Variants in DOCK4 observed in about 807,000 individuals in gnomAD.
DOCK4 encodes the protein dedicator of cytokinesis protein 4.
A neutral mutation model predicts 268.1 loss-of-function variants in DOCK4; 97 were observed. The observed-to-expected ratio is 0.36, with a 90% CI of 0.31 to 0.43. The LOEUF is 0.43. Among genes scored for constraint, DOCK4 ranks in the 20% least tolerant of loss-of-function variants. The pLI, the probability that DOCK4 is intolerant of heterozygous loss-of-function variation, is 1.00. For synonymous variants in DOCK4, 954 were observed against 887.2 expected (o/e 1.08, Z -1.34); for missense variants, 2,145 against 2,455.7 (o/e 0.87, Z 2.67).
intron 25 of DOCK4, among the ~76,000 whole-genome samples, chr7:111,839,866 G>C (rs960425337): frequency 3.3e-5 from 5 of 151,850 alleles, no homozygotes; most frequent in Non-Finnish European, 7.4e-5. Context: ...GGAAACAGGT[G>C]GTATTTGGTT....
intron 1 of DOCK4, among the ~76,000 whole-genome samples, chr7:112,012,599 A>G (rs766013816): frequency 3.9e-5 from 6 of 152,180 alleles, no homozygotes; most frequent in Non-Finnish European, 7.3e-5. Context: ...CAAATGAAAA[A>G]CTGTTTTAAT....
At position 112,104,871 on chromosome 7, in the gene DOCK4, G is replaced by A. The variant is rs139582031; in HGVS notation, c.38-100740C>T. ...TAAGGTAGTATATAATTAACCCAATGCTAAATGATATATCAATAATAAGCA... is the reference window on the plus strand; with the variant it reads ...TAAGGTAGTATATAATTAACCCAATACTAAATGATATATCAATAATAAGCA... On this transcript the variant is annotated intron_variant, in intron 1 of 52. Transcript: ENST00000428084. 5.2e-4 allele frequency among the ~76,000 whole-genome samples: 79 copies of A among 152,282 alleles called. 1 individual carries two copies. In the East Asian group the frequency reaches 0.015, roughly 29 times the overall value.
intron 41 of DOCK4, among the ~76,000 whole-genome samples, chr7:111,757,646 A>G (rs1038990752): frequency 1.3e-5 from 2 of 152,102 alleles, no homozygotes; most frequent in Non-Finnish European, 2.9e-5. Context: ...CAATCCTGTC[A>G]TAACTCTGCA....
chr7:111,910,060 C>T (rs765545870), intron 13 of DOCK4, among the ~76,000 whole-genome samples: 7 of 151,840 alleles, frequency 4.6e-5, no homozygotes, highest in Non-Finnish European at 1.0e-4. Context: ...TGATGGGTTC[C>T]CTAACAAAGA....
At chr7:111,788,574 A>C in intron 32 of DOCK4, 88 bp downstream of exon 32, 1 of 1,074,570 alleles carries the variant, frequency 9.3e-7, no homozygotes, top group South Asian at 1.3e-5. Flanking sequence ...CTGTCTTTGC[A>C]GCTCTCAGCT....
intron 1 of DOCK4, among the ~76,000 whole-genome samples, chr7:112,184,812 G>A (rs1024228107): frequency 2.0e-5 from 3 of 151,994 alleles, no homozygotes; most frequent in Non-Finnish European, 4.4e-5. Flanking sequence ...GCTTGCAGAG[G>A]GTGTTGAGAG....
At chr7:111,813,427 G>A (rs901066365) in intron 27 of DOCK4, among the ~76,000 whole-genome samples, 1 of 152,130 alleles carries the variant, frequency 6.6e-6, no homozygotes, top group Non-Finnish European at 1.5e-5. Flanking sequence ...TTCTTGTGGG[G>A]TAGGGAAATA....
intron 30 of DOCK4, among the ~76,000 whole-genome samples, chr7:111,800,318 G>A (rs1800182169): frequency 1.3e-5 from 2 of 151,766 alleles, no homozygotes; most frequent in Middle Eastern, 3.5e-3. Context: ...GTCTGTGGAA[G>A]CTATAAAAAA....
chr7:111,801,163 G>A (rs1800249555), intron 30 of DOCK4, among the ~76,000 whole-genome samples: 1 of 152,120 alleles, frequency 6.6e-6, no homozygotes, highest in Non-Finnish European at 1.5e-5. Context: ...ACATCATGGC[G>A]ACCCACATTT....
intron 8 of DOCK4, among the ~76,000 whole-genome samples, chr7:111,952,095 A>G (rs570412804): frequency 6.8e-6 from 1 of 147,754 alleles, no homozygotes; most frequent in African/African-American, 2.5e-5. Flanking sequence ...CTGTCTGCGA[A>G]AAAAAAAAAA....
chr7:111,736,549 C>G (rs188568321), intron 50 of DOCK4, among the ~76,000 whole-genome samples: 459 of 152,068 alleles, frequency 3.0e-3, no homozygotes, highest in Middle Eastern at 6.8e-3. Flanking sequence ...GTAAGGGAGA[C>G]GAAGGATGGG....
chr7:111,985,884 GT>G (rs1166141724), intron 6 of DOCK4, among the ~76,000 whole-genome samples: 1 of 152,166 alleles, frequency 6.6e-6, no homozygotes, highest in East Asian at 1.9e-4. Flanking sequence ...GTACTACAGT[GT>G]AAGTCAGCAT....
At chr7:112,178,438 G>A (rs539038756) in intron 1 of DOCK4, among the ~76,000 whole-genome samples, 91 of 152,248 alleles carry the variant, frequency 6.0e-4, no homozygotes, top group African/African-American at 2.1e-3. Context: ...AAAAATCATC[G>A]GTAACAGCCC....
At chr7:111,905,953 T>C (rs1791533916) in intron 13 of DOCK4, among the ~76,000 whole-genome samples, 1 of 152,166 alleles carries the variant, frequency 6.6e-6, no homozygotes, top group African/African-American at 2.4e-5. Context: ...TGCAAAATGC[T>C]AGAAGTAGAA....
chr7:111,735,267 TAACTG>T (rs1444628527), intron 50 of DOCK4, 100 bp from the exon 51 acceptor site: 3 of 768,692 alleles, frequency 3.9e-6, no homozygotes, highest in Admixed American at 3.3e-5. Context: ...ATGAAAAACT[TAACTG>T]GATGAAAAAC....
At chr7:112,119,001 A>T (rs1161773118) in intron 1 of DOCK4, among the ~76,000 whole-genome samples, 2 of 152,292 alleles carry the variant, frequency 1.3e-5, no homozygotes, top group East Asian at 3.9e-4. Context: ...TTGTGTATCT[A>T]TGTGAAAAAA....
At chr7:111,984,270 G>T (rs1396971925) in intron 7 of DOCK4, 36 bp downstream of exon 7, 1 of 1,565,766 alleles carries the variant, frequency 6.4e-7, no homozygotes, top group Non-Finnish European at 8.7e-7. Flanking sequence ...CAGAAAATTA[G>T]CAGGAAGACT....
intron 21 of DOCK4, among the ~76,000 whole-genome samples, chr7:111,868,443 GC>G (rs1399682478): frequency 1.3e-5 from 2 of 152,188 alleles, no homozygotes; most frequent in Non-Finnish European, 2.9e-5. Context: ...GGGCACGGTG[GC>G]TCACGCCTGT....
chr7:111,744,703 A>G (rs1443454831), intron 44 of DOCK4, among the ~76,000 whole-genome samples: 1 of 152,242 alleles, frequency 6.6e-6, no homozygotes, highest in Non-Finnish European at 1.5e-5. Flanking sequence ...GGTTAAAGTC[A>G]TTGCATAATC....
Sources: gnomAD v4.1 joint callset for allele counts (sites outside exome capture counted in the v4.1 genomes callset) on GRCh38, gnomAD v4.1.1 for gene constraint, MANE v1.5 for transcripts, NCBI Gene and HGNC (gene_info 2026-07-23, HGNC 2026-07-21) for gene names.